Variants in TNIP1 observed in about 807,000 individuals in gnomAD.
TNIP1 encodes TNFAIP3 interacting protein 1.
In TNIP1, 22 loss-of-function variants were observed where a neutral mutation model predicts 86.6. That is an observed-to-expected ratio of 0.25 (90% confidence interval 0.18 to 0.36). The LOEUF is 0.36. Among genes scored for constraint, TNIP1 ranks in the 10% least tolerant of loss-of-function variants. The pLI is 1.00. For missense variants in TNIP1, 709 were observed against 820.6 expected, an observed-to-expected ratio of 0.86 and a Z score of 1.66; for synonymous variants, 294 against 313.0, an observed-to-expected ratio of 0.94 and a Z score of 0.64.
rs1401730636 is a variant in TNIP1, at chr5:151,059,850, TGTGTGTGTGTGTGTGTGCGCGCGC to T, written c.435+444_435+467del. ...GAGAGTGTGTGTGTGTGTGTGTGTG[TGTGTGTGTGTGTGTGTGCGCGCGC>T]GCGCGCGCATGCGTGTAAGTGGAAA... On this transcript the variant is annotated intron_variant, in intron 5 of 17. Transcript: ENST00000521591. 4.4e-3 allele frequency among the ~76,000 whole-genome samples: 436 copies of T among 99,404 alleles called. 4 individuals carry two copies. Among genetic ancestry groups the T allele is most frequent in the African/African-American group, 0.018 (403 of 21,968 alleles). The allele number at this position is 99,404 out of a possible 152,430, so 65.2% of individuals were successfully genotyped here.
At chr5:151,035,449 C>A in intron 14 of TNIP1, 133 bp downstream of exon 14, 1 of 1,371,252 alleles carries the variant, frequency 7.3e-7, no homozygotes, top group Non-Finnish European at 1.0e-6. Flanking sequence ...CCTTGCCGAG[C>A]TCAAATATGA....
chr5:151,061,910 A>T (rs578163187), intron 4 of TNIP1, among the ~76,000 whole-genome samples: 1 of 152,338 alleles, frequency 6.6e-6, no homozygotes, highest in East Asian at 1.9e-4. Context: ...TTCCTTGTAC[A>T]TACCAGGGTC....
chr5:151,080,193 G>A (rs1187067475), intron 1 of TNIP1: 1 of 152,192 alleles, frequency 6.6e-6, no homozygotes, highest in Non-Finnish European at 1.5e-5. Flanking sequence ...AAGCACTCCT[G>A]GAAACTCATC....
At chr5:151,077,405 T>A (rs906568025) in intron 1 of TNIP1, among the ~76,000 whole-genome samples, 29 of 152,340 alleles carry the variant, frequency 1.9e-4, no homozygotes, top group African/African-American at 6.7e-4. Context: ...ATCCTGTCAA[T>A]AGCCTCATGA....
Position 151,060,374 on chromosome 5 carries a change from C to T in TNIP1, c.379G>A (p.Val127Met), listed in dbSNP as rs777675906. 2.5e-6 allele frequency: 4 copies of T among 1,614,182 alleles called. No homozygotes were observed. The highest frequency in any genetic ancestry group is 1.6e-4 in the Middle Eastern group (1 of 6,062). ...PSSGTSSEFE[V>M]VTPEEQNSPE... ...GAATTCTGCTCCTCAGGAGTGACCA[C>T]TTCAAATTCAGAGGAGGTGCCCTGT... Residue 127 changes from valine (V) to methionine (M), a missense_variant, in exon 5 of 18, where the codon GTG (valine) becomes ATG (methionine). By Grantham distance (21) the Val-to-Met change is conservative. Coordinates refer to ENST00000521591, the MANE Select transcript of TNIP1 (RefSeq NM_006058.5).
rs776324464 is a variant in TNIP1, at chr5:151,056,856, C to A, written c.537G>T (p.Gln179His). ...SVCAEEPDHG[Q>H]LFTHLGRMAL... ...CCATGCGGCCCAGGTGGGTGAAGAG[C>A]TGGCCGTGGTCCGGCTCCTCGGCAC... Residue 179 changes from glutamine to histidine, a missense_variant, in exon 6 of 18, where the codon CAG becomes CAT. Transcript: ENST00000521591. 1.9e-6 allele frequency: 3 copies of A among 1,605,552 alleles called. No homozygotes were observed. Among genetic ancestry groups the A allele is most frequent in the Non-Finnish European group, 2.6e-6 (3 of 1,176,398 alleles).
chr5:151,049,929 G>C lies in TNIP1; in HGVS notation c.741C>G (p.Leu247=), dbSNP rs1458944536. 2 of 1,614,088 alleles carry C rather than the reference G, an allele frequency of 1.2e-6. No individual in the cohort carries two copies. Among genetic ancestry groups the C allele is most frequent in the South Asian group, 1.1e-5 (1 of 91,072 alleles). The part of the protein sequence containing the change: ...AERLREENLE[L]KKLLMSNGNK... ...TGCCATTGCTCATCAACAACTTCTT[G>C]AGCTCCAAATTTTCCTCCCTGGGAT... Residue 247 remains leucine, a synonymous_variant, in exon 8 of 18, where the codon CTC becomes CTG. Transcript: ENST00000521591.
At position 151,033,737 on chromosome 5, in the gene TNIP1, G is replaced by A. The variant is rs769246621; in HGVS notation, c.1650C>T (p.Tyr550=). 38 of 1,364,088 alleles carry A rather than the reference G, an allele frequency of 2.8e-5. No homozygotes were observed. In the East Asian group the frequency reaches 4.1e-4, roughly 15 times the overall value. The allele number at this position is 1,364,088 out of a possible 1,614,324, so 84.5% of individuals were successfully genotyped here. A position where few individuals can be genotyped will look rare whatever the true frequency, so the allele number is the denominator to read the frequency against. The change falls in exon 16 of 18, where the codon TAC becomes TAT. Residue 550 remains tyrosine (Y), a synonymous_variant. Coordinates refer to ENST00000521591, the MANE Select transcript of TNIP1 (RefSeq NM_006058.5). ...CCATGGCTGGCATGGGCGGGTAGGC[G>A]TAGGGGTAGGCCCCGCAGAGATGTT... ...HPEHLCGAYP[Y]AYPPMPAMVP... is the part of the protein sequence containing the mutation.
At chr5:151,066,850 G>A (rs1289894142) in intron 1 of TNIP1, among the ~76,000 whole-genome samples, 2 of 152,150 alleles carry the variant, frequency 1.3e-5, no homozygotes, top group South Asian at 4.1e-4. Context: ...GAGCCAGAGG[G>A]GCAGACAGGG....
chr5:151,072,921 G>A (rs1402677631), intron 1 of TNIP1, among the ~76,000 whole-genome samples: 3 of 152,178 alleles, frequency 2.0e-5, no homozygotes, highest in Non-Finnish European at 4.4e-5. Flanking sequence ...AAGTTCTCAT[G>A]TAGAAACGTG....
At chr5:151,043,372 CA>C (rs1758705852) in intron 9 of TNIP1, among the ~76,000 whole-genome samples, 1 of 152,156 alleles carries the variant, frequency 6.6e-6, no homozygotes, top group Admixed American at 6.5e-5. Context: ...CAAGGCTAAT[CA>C]TCTCAGCAAT....
chr5:151,052,457 C>T (rs893959436), intron 6 of TNIP1, among the ~76,000 whole-genome samples, 198 bp from the exon 7 acceptor site: 8 of 152,218 alleles, frequency 5.3e-5, no homozygotes, highest in South Asian at 2.1e-4. Context: ...GAGCCAACTA[C>T]GGAGAAGCCT....
At chr5:151,079,480 C>G (rs1048939023) in intron 1 of TNIP1, among the ~76,000 whole-genome samples, 2 of 151,992 alleles carry the variant, frequency 1.3e-5, no homozygotes, top group African/African-American at 2.4e-5. Flanking sequence ...AAAAATTAGC[C>G]GGGGATGGTG....
chr5:151,066,765 A>G (rs959620176), intron 1 of TNIP1, among the ~76,000 whole-genome samples: 1 of 152,190 alleles, frequency 6.6e-6, no homozygotes, highest in African/African-American at 2.4e-5. Context: ...CCCGGCCGCA[A>G]TAAGAGCCAA....
At position 151,049,881 on chromosome 5, in the gene TNIP1, C is replaced by G; in HGVS notation, c.789G>C (p.Arg263=). ...SNGNKEGASG[R]PGSPKMEGTG... Reference sequence around the variant, plus strand: ...TCCCTTCCATCTTCGGTGAGCCTGGCCGCCCAGACGCACCCTCTTTGTTGC... The same window carrying G: ...TCCCTTCCATCTTCGGTGAGCCTGGGCGCCCAGACGCACCCTCTTTGTTGC... Residue 263 remains arginine, a synonymous_variant, in exon 8 of 18, where the codon CGG becomes CGC. Coordinates refer to ENST00000521591, the MANE Select transcript of TNIP1 (RefSeq NM_006058.5). 1 of 1,614,222 alleles carries G rather than the reference C, an allele frequency of 6.2e-7. No homozygotes were observed. The highest frequency in any genetic ancestry group is 8.5e-7 in the Non-Finnish European group (1 of 1,180,036).
Position 151,030,729 on chromosome 5 carries a change from C to T in TNIP1, c.1895G>A (p.Arg632His), listed in dbSNP as rs199807288. 23 of 1,611,630 alleles carry T rather than the reference C, an allele frequency of 1.4e-5. No individual in the cohort carries two copies. Among genetic ancestry groups the T allele is most frequent in the Admixed American group, 1.7e-5 (1 of 59,252 alleles). Residue 632 changes from arginine to histidine, a missense_variant, in exon 18 of 18, where the codon CGT becomes CAT. Coordinates refer to ENST00000521591, the MANE Select transcript of TNIP1 (RefSeq NM_006058.5). ...AATCTGGTCTCACTGAGGCCCCTCA[C>T]GGTCATTTTTTGGAGACTCTAAATA... is the stretch of plus-strand genomic sequence containing the variant. ...PTEPESPKND[R>H]EGPQ
intron 5 of TNIP1, among the ~76,000 whole-genome samples, chr5:151,057,929 T>G (rs1269153383): frequency 6.6e-6 from 1 of 152,162 alleles, no homozygotes; most frequent in Admixed American, 6.5e-5. Flanking sequence ...TCCATGGATT[T>G]TGGGTATCCT....
rs1758077297 is a variant in TNIP1 at position 151,039,107 on chromosome 5, C to T, written c.1253G>A (p.Arg418Gln). ...GGCCAAGGCACCCACCTTGTTGAGC[C>T]GCTGGATCTCCTTTTCCTGGTACTC... Reference protein sequence around the residue: ...QREYQEKEIQRLNKALEEALS... With the variant: ...QREYQEKEIQQLNKALEEALS... The change falls in exon 12 of 18, where the codon CGG (arginine) becomes CAG (glutamine). Residue 418 changes from arginine (R) to glutamine (Q), a missense_variant. Coordinates refer to ENST00000521591, the MANE Select transcript of TNIP1 (RefSeq NM_006058.5). The T allele has an allele frequency of 6.2e-7, 1 of 1,613,272 alleles. No individual in the cohort carries two copies. Among genetic ancestry groups the T allele is most frequent in the African/African-American group, 1.3e-5 (1 of 74,896 alleles).
At chr5:151,071,832 G>A (rs1762852951) in intron 1 of TNIP1, among the ~76,000 whole-genome samples, 1 of 152,084 alleles carries the variant, frequency 6.6e-6, no homozygotes, top group South Asian at 2.1e-4. Context: ...CAGCCTCCGA[G>A]GCCCAGATTA....
Sources: allele counts gnomAD v4.1 joint callset (sites outside exome capture counted in the v4.1 genomes callset), GRCh38; gene constraint gnomAD v4.1.1; transcripts MANE v1.5; gene names NCBI Gene and HGNC (gene_info 2026-07-23, HGNC 2026-07-21).